Variants in PRELID2 observed in about 807,000 individuals in gnomAD.
PRELID2 encodes PRELI domain containing 2.
PRELID2 carries 25 observed loss-of-function variants against 28.4 expected under a neutral mutation model. The observed-to-expected ratio is 0.88, with a 90% confidence interval of 0.64 to 1.23. The LOEUF (loss-of-function observed/expected upper bound fraction) is 1.23, where lower values mean the gene tolerates loss of function less well. Among genes scored for constraint, PRELID2 ranks in the 50% most tolerant of loss-of-function variants. The pLI is 0.00. For synonymous variants in PRELID2, 76 were observed against 71.6 expected (o/e 1.06, Z -0.31); for missense variants, 201 against 214.4 (o/e 0.94, Z 0.39).
chr5:145,670,824 A>G (rs886394950), intron 1 of PRELID2, among the ~76,000 whole-genome samples: 5 of 152,158 alleles, frequency 3.3e-5, no homozygotes, highest in Non-Finnish European at 7.4e-5. Flanking sequence ...GATCTAGAAA[A>G]CAACTAAAAT....
the PRELID2 span, among the ~76,000 whole-genome samples, chr5:145,416,732 A>G: frequency 1.3e-5 from 2 of 152,104 alleles, no homozygotes; most frequent in Non-Finnish European, 2.9e-5. Flanking sequence ...CATCACAGCT[A>G]AAAGAACTAG....
chr5:145,340,008 A>G, the PRELID2 span, among the ~76,000 whole-genome samples: 1 of 152,048 alleles, frequency 6.6e-6, no homozygotes, highest in East Asian at 1.9e-4. Context: ...GCCTACGCTG[A>G]GCTAGCTGAG....
chr5:145,275,679 T>G, the PRELID2 span, among the ~76,000 whole-genome samples: 1 of 152,142 alleles, frequency 6.6e-6, no homozygotes, highest in African/African-American at 2.4e-5. Context: ...CAGAGTGGCA[T>G]GCACTAGCGT....
chr5:145,536,784 A>G (rs1752702838), intron 1 of PRELID2, among the ~76,000 whole-genome samples: 3 of 151,866 alleles, frequency 2.0e-5, no homozygotes, highest in African/African-American at 7.2e-5. Flanking sequence ...AAGTGACTCA[A>G]AGAGTGAATA....
chr5:145,711,098 G>T (rs919926977), intron 1 of PRELID2, among the ~76,000 whole-genome samples: 1 of 152,068 alleles, frequency 6.6e-6, no homozygotes. Flanking sequence ...CATTCAAGAG[G>T]ATCAATACCT....
chr5:145,331,712 A>T, the PRELID2 span, among the ~76,000 whole-genome samples: 8 of 151,726 alleles, frequency 5.3e-5, no homozygotes, highest in Admixed American at 3.9e-4. Flanking sequence ...ATGGGTCTTG[A>T]GTCTTTATCC....
the PRELID2 span, among the ~76,000 whole-genome samples, chr5:145,421,419 T>C: frequency 6.6e-6 from 1 of 150,638 alleles, no homozygotes; most frequent in Admixed American, 6.7e-5. Context: ...GAGCCTGTTA[T>C]TGGTCTATTC....
chr5:145,802,793 G>A (rs1406897413), intron 4 of PRELID2, among the ~76,000 whole-genome samples: 3 of 152,182 alleles, frequency 2.0e-5, no homozygotes, highest in African/African-American at 7.2e-5. Context: ...GAACACCTTT[G>A]TGAAAATGAA....
the PRELID2 span, among the ~76,000 whole-genome samples, chr5:145,261,402 A>G: frequency 6.6e-6 from 1 of 152,138 alleles, no homozygotes; most frequent in African/African-American, 2.4e-5. Flanking sequence ...CAAAAGTACA[A>G]CCAAGGACCC....
At chr5:145,704,413 C>T (rs1755486906) in intron 1 of PRELID2, 1 of 152,178 alleles carries the variant, frequency 6.6e-6, no homozygotes, top group South Asian at 2.1e-4. Flanking sequence ...ACTGGGGTGA[C>T]TTCCCAAGTC....
the PRELID2 span, among the ~76,000 whole-genome samples, chr5:145,245,856 G>A: frequency 6.6e-6 from 1 of 151,962 alleles, no homozygotes; most frequent in African/African-American, 2.4e-5. Context: ...CCTCTCACTA[G>A]ACTGTGCATG....
intron 1 of PRELID2, among the ~76,000 whole-genome samples, chr5:145,590,964 A>G (rs1385740836): frequency 6.6e-6 from 1 of 151,182 alleles, no homozygotes; most frequent in Non-Finnish European, 1.5e-5. Context: ...GGATTCTTCA[A>G]TCTGAAAAGA....
At chr5:145,673,841 C>T (rs546054558) in intron 1 of PRELID2, among the ~76,000 whole-genome samples, 1 of 152,086 alleles carries the variant, frequency 6.6e-6, no homozygotes, top group East Asian at 1.9e-4. Flanking sequence ...TAATAACACC[C>T]AAGTAAAATC....
At chr5:145,669,974 C>T (rs192219746) in intron 1 of PRELID2, among the ~76,000 whole-genome samples, 1 of 152,254 alleles carries the variant, frequency 6.6e-6, no homozygotes, top group East Asian at 1.9e-4. Context: ...AACTATTATA[C>T]TCACTGACCA....
downstream of PRELID2, among the ~76,000 whole-genome samples, chr5:145,469,208 G>A (rs191682855): frequency 6.6e-6 from 1 of 152,034 alleles, no homozygotes; most frequent in East Asian, 1.9e-4. Flanking sequence ...TAGGTGCCCT[G>A]ATTCAATATA....
chr5:145,238,591 T>C, the PRELID2 span, among the ~76,000 whole-genome samples: 6 of 152,256 alleles, frequency 3.9e-5, no homozygotes, highest in South Asian at 1.2e-3. Context: ...ACTAAATGAA[T>C]GAAATGTTTT....
chr5:145,317,247 G>T, the PRELID2 span, among the ~76,000 whole-genome samples: 82 of 152,284 alleles, frequency 5.4e-4, 3 homozygotes, highest in East Asian at 0.014. Flanking sequence ...TAAGAACCAC[G>T]GAACCAGGGG....
chr5:145,653,156 C>T (rs1247222217), intron 1 of PRELID2, among the ~76,000 whole-genome samples: 1 of 152,110 alleles, frequency 6.6e-6, no homozygotes, highest in East Asian at 1.9e-4. Context: ...ACAAAGAAGG[C>T]CATTACATAA....
chr5:145,682,326 C>G (rs969633554), intron 1 of PRELID2, among the ~76,000 whole-genome samples: 1 of 152,170 alleles, frequency 6.6e-6, no homozygotes, highest in African/African-American at 2.4e-5. Flanking sequence ...GGGAACCTCA[C>G]TGGGAAAATA....
Sources: allele counts gnomAD v4.1 joint callset (sites outside exome capture counted in the v4.1 genomes callset), GRCh38; gene constraint gnomAD v4.1.1; transcripts MANE v1.5; gene names NCBI Gene and HGNC (gene_info 2026-07-23, HGNC 2026-07-21).